Variants in SLC35F4 observed in about 807,000 individuals in gnomAD.
The protein encoded by SLC35F4 is chromosome 14 open reading frame 36.
In SLC35F4, 24 loss-of-function variants were observed where a neutral mutation model predicts 44.2. That is an observed-to-expected ratio of 0.54 (90% CI 0.39 to 0.76). The LOEUF (loss-of-function observed/expected upper bound fraction) is 0.76, where lower values mean the gene tolerates loss of function less well. Among genes scored for constraint, SLC35F4 ranks in the 30% least tolerant of loss-of-function variants. The pLI is 0.00. For missense variants in SLC35F4, 562 were observed against 586.1 expected (o/e 0.96, Z 0.42); for synonymous variants, 238 against 223.6 (o/e 1.06, Z -0.57).
At chr14:57,636,334 A>T (rs2073016263) in intron 1 of SLC35F4, among the ~76,000 whole-genome samples, 1 of 152,144 alleles carries the variant, frequency 6.6e-6, no homozygotes, top group Admixed American at 6.5e-5. Context: ...TCTATATTGC[A>T]GAGGTTGCAC....
At chr14:57,811,172 A>G (rs897684499) in intron 1 of SLC35F4, among the ~76,000 whole-genome samples, 3 of 152,296 alleles carry the variant, frequency 2.0e-5, no homozygotes, top group African/African-American at 7.2e-5. Flanking sequence ...TCACTTGAAT[A>G]GAATAATTTT....
chr14:57,964,974 GAA>G (rs72495990), intron 1 of SLC35F4, among the ~76,000 whole-genome samples: 12,450 of 118,668 alleles, frequency 0.1, 901 homozygotes, highest in African/African-American at 0.23. Context: ...TCCCATGGGG[GAA>G]AAAAAAAAAA....
At chr14:57,897,648 A>C (rs539967694) in intron 1 of SLC35F4, among the ~76,000 whole-genome samples, 9 of 152,178 alleles carry the variant, frequency 5.9e-5, no homozygotes, top group Admixed American at 5.9e-4. Flanking sequence ...AGTCCACGAA[A>C]GAGATGGTAT....
At chr14:57,577,090 A>G (rs935526854) in intron 4 of SLC35F4, among the ~76,000 whole-genome samples, 2 of 152,218 alleles carry the variant, frequency 1.3e-5, no homozygotes, top group African/African-American at 2.4e-5. Context: ...TGCATTGCAC[A>G]TGAATAAAGA....
intron 1 of SLC35F4, among the ~76,000 whole-genome samples, chr14:57,909,644 T>G (rs1889177701): frequency 6.6e-6 from 1 of 152,106 alleles, no homozygotes; most frequent in African/African-American, 2.4e-5. Context: ...TTCCATGGTT[T>G]GATAGCTCAT....
chr14:57,782,525 A>C (rs990732995), intron 1 of SLC35F4, among the ~76,000 whole-genome samples: 2 of 152,222 alleles, frequency 1.3e-5, no homozygotes, highest in African/African-American at 2.4e-5. Context: ...GAGACCATAC[A>C]TGGTGGTGTT....
At chr14:57,759,331 G>A (rs933281263) in intron 1 of SLC35F4, among the ~76,000 whole-genome samples, 10 of 152,102 alleles carry the variant, frequency 6.6e-5, no homozygotes, top group African/African-American at 2.4e-4. Context: ...TGTAATCCCA[G>A]CACTTTGGGA....
chr14:57,714,171 AACTT>A (rs2075879323), intron 1 of SLC35F4, among the ~76,000 whole-genome samples: 1 of 152,214 alleles, frequency 6.6e-6, no homozygotes, highest in Non-Finnish European at 1.5e-5. Context: ...TAGCAAAACC[AACTT>A]ACTTTCTAAA....
chr14:57,937,581 GAAAAGAAAGAAAAGA>G (rs1566505495), intron 1 of SLC35F4, among the ~76,000 whole-genome samples: 22 of 91,982 alleles, frequency 2.4e-4, no homozygotes, highest in Middle Eastern at 5.2e-3. Flanking sequence ...AAAGAGAAAA[GAAAAGAAAGAAAAGA>G]AAAGAAAAGA....
At chr14:57,870,864 G>A (rs955166345), upstream of SLC35F4, among the ~76,000 whole-genome samples, 5 of 152,200 alleles carry the variant, frequency 3.3e-5, no homozygotes, top group African/African-American at 1.2e-4. Context: ...TCAACCATGG[G>A]TAATGATCAC....
intron 1 of SLC35F4, among the ~76,000 whole-genome samples, chr14:57,946,905 C>T (rs955016107): frequency 1.3e-5 from 2 of 152,004 alleles, no homozygotes; most frequent in African/African-American, 4.8e-5. Flanking sequence ...GTGATGTGTC[C>T]AGATTTGGGT....
chr14:57,865,563 T>G lies in SLC35F4; in HGVS notation c.103+160A>C, dbSNP rs116936557. Reference sequence around the variant, plus strand: ...AGCACCGAGGACAGCGGACATACTTTTCTCCCCGGGGGGTCCCCGCCGCCA... The same window carrying G: ...AGCACCGAGGACAGCGGACATACTTGTCTCCCCGGGGGGTCCCCGCCGCCA... On this transcript the variant is annotated intron_variant, in intron 1 of 7. Coordinates refer to ENST00000556826, the MANE Select transcript of SLC35F4 (RefSeq NM_001306087.2). 0.022 allele frequency among the ~76,000 whole-genome samples: 3,275 copies of G among 152,162 alleles called. 412 individuals carry two copies. In the East Asian group the frequency reaches 0.39, roughly 18 times the overall value.
At chr14:57,675,404 AT>A (rs1027576312) in intron 1 of SLC35F4, among the ~76,000 whole-genome samples, 1 of 151,956 alleles carries the variant, frequency 6.6e-6, no homozygotes, top group Non-Finnish European at 1.5e-5. Context: ...AGGGATGAGC[AT>A]TTTTTTGGAT....
chr14:57,628,862 A>G (rs370504882), intron 1 of SLC35F4, among the ~76,000 whole-genome samples: 15 of 152,234 alleles, frequency 9.9e-5, no homozygotes, highest in African/African-American at 3.4e-4. Context: ...AGTGATTTTC[A>G]TTTCAAAACT....
rs17093862 is a variant in SLC35F4, at chr14:57,896,945, T to C, written n.282+84968A>G. ...GATTAGGCCATAACTTTTTTCCACA[T>C]TCATTCTGCCCTGTTAAACCCTGCT... On this transcript the variant is annotated intron_variant and non_coding_transcript_variant, in intron 1 of 1. Coordinates refer to the SLC35F4 transcript ENST00000556568. Among the ~76,000 whole-genome samples, 3,464 of 152,286 alleles carry C rather than the reference T, an allele frequency of 0.023. 430 individuals are homozygous for C. In the East Asian group the frequency reaches 0.39, roughly 17 times the overall value.
chr14:57,811,729 G>A (rs1881989398), intron 1 of SLC35F4, among the ~76,000 whole-genome samples: 1 of 152,232 alleles, frequency 6.6e-6, no homozygotes, highest in South Asian at 2.1e-4. Context: ...AGTCAAGTGA[G>A]AGTGAGTTAA....
chr14:57,909,103 G>A (rs979490283), intron 1 of SLC35F4, among the ~76,000 whole-genome samples: 7 of 152,074 alleles, frequency 4.6e-5, no homozygotes, highest in African/African-American at 1.4e-4. Flanking sequence ...TAGATGTTTG[G>A]TGTTATTTCT....
intron 6 of SLC35F4, 126 bp from the exon 7 acceptor site, chr14:57,566,690 C>G: frequency 1.1e-6 from 1 of 906,218 alleles, no homozygotes; most frequent in East Asian, 2.7e-5. Flanking sequence ...CTTTGATCCT[C>G]TAATTTTGGA....
At chr14:57,938,065 T>G (rs1255083443) in intron 1 of SLC35F4, among the ~76,000 whole-genome samples, 1 of 152,222 alleles carries the variant, frequency 6.6e-6, no homozygotes, top group Non-Finnish European at 1.5e-5. Context: ...TTTTTGTTAT[T>G]GCACAGCAAG....
Sources: allele counts gnomAD v4.1 joint callset (sites outside exome capture counted in the v4.1 genomes callset), GRCh38; gene constraint gnomAD v4.1.1; transcripts MANE v1.5; gene names NCBI Gene and HGNC (gene_info 2026-07-23, HGNC 2026-07-21).